MACROD2: variants seen among roughly 807,000 people sequenced by gnomAD.
The protein encoded by MACROD2 is ADP-ribose glycohydrolase MACROD2.
In MACROD2, 36 loss-of-function variants were observed where a neutral mutation model predicts 70.4. The ratio of observed to expected loss-of-function variants is 0.51; its 90% confidence interval spans 0.39 to 0.68. MACROD2 has a LOEUF of 0.68. MACROD2 is among the 30% of genes least tolerant of loss of function. The probability of loss-of-function intolerance (pLI) is 0.00; values close to 1 mark genes in which losing one functional copy is unlikely to be tolerated. For synonymous variants in MACROD2, 172 were observed against 178.8 expected (o/e 0.96, Z 0.30); for missense variants, 496 against 538.4 (o/e 0.92, Z 0.78).
chr20:15,408,687 A>G (rs2046037387), intron 6 of MACROD2, among the ~76,000 whole-genome samples: 1 of 152,234 alleles, frequency 6.6e-6, no homozygotes. Context: ...GGCATCTTTC[A>G]GTGACAGTGA....
At chr20:15,480,267 G>C (rs1244303422) in intron 7 of MACROD2, among the ~76,000 whole-genome samples, 1 of 152,040 alleles carries the variant, frequency 6.6e-6, no homozygotes, top group Non-Finnish European at 1.5e-5. Context: ...CCTTAAAACT[G>C]GCCAAATGTT....
At chr20:15,959,193 ATT>A (rs2066023383) in intron 12 of MACROD2, among the ~76,000 whole-genome samples, 1 of 152,192 alleles carries the variant, frequency 6.6e-6, no homozygotes, top group South Asian at 2.1e-4. Flanking sequence ...TTTTTACAGC[ATT>A]TTGTTTTAAC....
intron 8 of MACROD2, among the ~76,000 whole-genome samples, chr20:15,636,718 TTAC>T (rs1160632776): frequency 6.6e-6 from 1 of 152,042 alleles, no homozygotes; most frequent in Non-Finnish European, 1.5e-5. Context: ...AAAGACTCAG[TTAC>T]CTGGACTGAG....
intron 6 of MACROD2, among the ~76,000 whole-genome samples, chr20:15,374,263 C>T: frequency 6.6e-6 from 1 of 151,454 alleles, no homozygotes; most frequent in Middle Eastern, 3.5e-3. Context: ...ATAATACAAT[C>T]CCTTATATAT....
In MACROD2 at chr20:15,168,049, G is replaced by T. The variant is rs75010667; in HGVS notation, c.419-61891G>T. ...TAGAAATAATAAATAGCATGACTAG[G>T]TAAACTGGCATTTGAAATACATAAT... is the stretch of plus-strand genomic sequence containing the variant. On this transcript the variant is annotated intron_variant, in intron 5 of 17. Transcript: ENST00000684519. Among the ~76,000 whole-genome samples the T allele has an allele frequency of 1.2e-3, 179 of 152,260 alleles. 2 individuals carry two copies. The East Asian group carries it at 0.031, about 26-fold the overall frequency.
chr20:15,810,008 TC>T (rs550957822), intron 8 of MACROD2, among the ~76,000 whole-genome samples: 41 of 122,596 alleles, frequency 3.3e-4, no homozygotes, highest in African/African-American at 1.1e-3. Flanking sequence ...ATGCTGTCCC[TC>T]CCCCCTCCCC....
At chr20:14,156,122 A>G (rs2055098818) in intron 3 of MACROD2, among the ~76,000 whole-genome samples, 1 of 152,202 alleles carries the variant, frequency 6.6e-6, no homozygotes, top group Admixed American at 6.5e-5. Flanking sequence ...TGTTCATGCC[A>G]CTGCACTCCA....
At chr20:15,679,971 G>T (rs1181519457) in intron 8 of MACROD2, among the ~76,000 whole-genome samples, 2 of 152,144 alleles carry the variant, frequency 1.3e-5, no homozygotes, top group South Asian at 4.1e-4. Flanking sequence ...AACCAATGCA[G>T]GAATCTTATT....
At chr20:14,331,651 G>A (rs1425812324) in intron 3 of MACROD2, among the ~76,000 whole-genome samples, 11 of 152,056 alleles carry the variant, frequency 7.2e-5, no homozygotes, top group Admixed American at 5.9e-4. Context: ...GTTTAACTAC[G>A]TTTTATATCT....
intron 5 of MACROD2, among the ~76,000 whole-genome samples, chr20:15,123,313 T>A (rs1601103954): frequency 6.6e-6 from 1 of 152,082 alleles, no homozygotes; most frequent in East Asian, 1.9e-4. Context: ...AGAAATTTTG[T>A]TTTTGGTGAT....
At chr20:15,231,495 T>A (rs2076958840) in intron 6 of MACROD2, among the ~76,000 whole-genome samples, 1 of 152,042 alleles carries the variant, frequency 6.6e-6, no homozygotes, top group Non-Finnish European at 1.5e-5. Context: ...GTTTCCAACT[T>A]GGAAAATATG....
chr20:14,638,313 TCA>T (rs1984895824), intron 4 of MACROD2, among the ~76,000 whole-genome samples: 1 of 152,324 alleles, frequency 6.6e-6, no homozygotes, highest in African/African-American at 2.4e-5. Context: ...AGAATTTCTC[TCA>T]GTTATGACTA....
At chr20:15,975,827 T>G (rs1048141391) in intron 13 of MACROD2, among the ~76,000 whole-genome samples, 26 of 152,204 alleles carry the variant, frequency 1.7e-4, no homozygotes, top group African/African-American at 6.3e-4. Context: ...AAATAATTTT[T>G]AAAAATAACT....
Position 14,002,323 on chromosome 20 carries a change from A to G in MACROD2, c.82A>G (p.Lys28Glu). ...GAAGATGACCTTAGAAGAGAGACGC[A>G]AAGAATACCTAAGAGACTATATTCC... ...LLKMTLEERR[K>E]EYLRDYIPLN... The change falls in exon 2 of 18, where the codon AAA becomes GAA. Residue 28 changes from lysine to glutamate, a missense_variant. Transcript: ENST00000684519. 1 of 1,608,932 alleles carries G rather than the reference A, an allele frequency of 6.2e-7. No homozygotes were observed. The highest frequency in any genetic ancestry group is 8.5e-7 in the Non-Finnish European group (1 of 1,178,202).
At chr20:15,809,085 G>T (rs959756833) in intron 8 of MACROD2, among the ~76,000 whole-genome samples, 2 of 152,130 alleles carry the variant, frequency 1.3e-5, no homozygotes, top group East Asian at 3.9e-4. Context: ...CTACATAGCA[G>T]CCATTTTCTA....
intron 2 of MACROD2, among the ~76,000 whole-genome samples, chr20:14,008,826 A>G (rs1348443438): frequency 1.3e-5 from 2 of 148,354 alleles, no homozygotes; most frequent in Non-Finnish European, 3.0e-5. Flanking sequence ...ACCTACAACC[A>G]TGTGATCTCC....
At chr20:15,239,371 G>T (rs1234974511) in intron 6 of MACROD2, among the ~76,000 whole-genome samples, 1 of 152,066 alleles carries the variant, frequency 6.6e-6, no homozygotes, top group Non-Finnish European at 1.5e-5. Flanking sequence ...GAGTTGCAAA[G>T]AGGATTTTTT....
At chr20:14,812,866 C>T (rs568390625) in intron 5 of MACROD2, among the ~76,000 whole-genome samples, 2 of 152,060 alleles carry the variant, frequency 1.3e-5, no homozygotes, top group African/African-American at 2.4e-5. Context: ...AGCTCAGTCC[C>T]ACAAGACTGC....
At chr20:15,686,667 G>T (rs1318155443) in intron 8 of MACROD2, among the ~76,000 whole-genome samples, 1 of 152,098 alleles carries the variant, frequency 6.6e-6, no homozygotes, top group Admixed American at 6.6e-5. Flanking sequence ...GAGACCAGGA[G>T]TTCGAGACCA....
Sources: gnomAD v4.1 joint callset for allele counts (sites outside exome capture counted in the v4.1 genomes callset) on GRCh38, gnomAD v4.1.1 for gene constraint, MANE v1.5 for transcripts, NCBI Gene and HGNC (gene_info 2026-07-23, HGNC 2026-07-21) for gene names.